CD6: variants seen among roughly 807,000 people sequenced by gnomAD.
CD6 encodes CD6 molecule, also known as T-cell differentiation antigen CD6.
In CD6, 53 loss-of-function variants were observed where a neutral mutation model predicts 75.3. That is an observed-to-expected ratio of 0.70 (90% confidence interval 0.56 to 0.88). The LOEUF (loss-of-function observed/expected upper bound fraction) is 0.88. CD6 is among the 40% of genes least tolerant of loss of function. CD6 has a pLI of 0.00. For synonymous variants in CD6, 359 were observed against 381.5 expected (o/e 0.94, Z 0.69); for missense variants, 770 against 897.1 (o/e 0.86, Z 1.81).
At chr11:61,018,214 G>T in intron 11 of CD6, 75 bp from the exon 12 acceptor site, 1 of 1,372,754 alleles carries the variant, frequency 7.3e-7, no homozygotes, top group Non-Finnish European at 9.9e-7. Flanking sequence ...CGTGAGTCAC[G>T]TGGGCCCCCC....
At chr11:61,003,607 G>A (rs1249775587) in intron 1 of CD6, among the ~76,000 whole-genome samples, 6 of 152,100 alleles carry the variant, frequency 3.9e-5, no homozygotes, top group Non-Finnish European at 5.9e-5. Context: ...CGTGGCAAGC[G>A]CCTGTAGTCC....
chr11:60,987,100 T>G (rs1227969710), intron 1 of CD6, among the ~76,000 whole-genome samples: 1 of 151,996 alleles, frequency 6.6e-6, no homozygotes, highest in Non-Finnish European at 1.5e-5. Flanking sequence ...AGTGCGAGAC[T>G]CCATCTCAAA....
chr11:60,998,307 C>T (rs545938283), intron 1 of CD6, among the ~76,000 whole-genome samples: 19 of 152,214 alleles, frequency 1.2e-4, no homozygotes, highest in Admixed American at 2.0e-4. Context: ...CACAGATAAC[C>T]GCTATCATCT....
rs138533957 is a variant in CD6, at chr11:61,017,369, C to T, written c.1511-110C>T. On this transcript the variant is annotated intron_variant, in intron 9 of 12. Transcript: ENST00000313421. ...AGCCCTCTCTGCCTCCGGAGTTGTC[C>T]TCCCACCCTATTCAGCCTACCCAGG... 1.7e-4 allele frequency: 137 copies of T among 787,654 alleles called. No individual in the cohort carries two copies. The African/African-American group carries it at 2.2e-3, about 12-fold the overall frequency. 48.8% of individuals were successfully genotyped at this position (787,654 alleles called of 1,614,324 possible).
chr11:60,998,978 G>A (rs995275348), intron 1 of CD6, among the ~76,000 whole-genome samples: 3 of 152,008 alleles, frequency 2.0e-5, no homozygotes, highest in South Asian at 2.1e-4. Flanking sequence ...GGCCAACATC[G>A]TGAAACCCAG....
chr11:60,980,709 G>A (rs909991490), intron 1 of CD6, among the ~76,000 whole-genome samples: 2 of 151,798 alleles, frequency 1.3e-5, no homozygotes, highest in African/African-American at 2.4e-5. Flanking sequence ...GGGGGATGGG[G>A]GGCACCTGTA....
rs1272174271 is a variant in CD6 at position 61,013,434 on chromosome 11, A to G, written c.1162A>G (p.Thr388Ala). 1 of 1,613,982 alleles carries G rather than the reference A, an allele frequency of 6.2e-7. No homozygotes were observed. The highest frequency in any genetic ancestry group is 1.3e-5 in the African/African-American group (1 of 74,938). The change falls in exon 7 of 13, where the codon ACA becomes GCA. Residue 388 changes from threonine to alanine, a missense_variant. Coordinates refer to ENST00000313421, the MANE Select transcript of CD6 (RefSeq NM_006725.5). The stretch of plus-strand genomic sequence containing the variant: ...ATTCTTGTTTCCAGAATCTTCTGTG[A>G]CAGTGAAAATAGAGAACAAGGAATC... ...VQTVTIESSVTVKIENKESRE... is the reference protein window; with the variant it reads ...VQTVTIESSVAVKIENKESRE...
chr11:60,999,950 G>C (rs1467247386), intron 1 of CD6, among the ~76,000 whole-genome samples: 1 of 152,084 alleles, frequency 6.6e-6, no homozygotes, highest in Admixed American at 6.5e-5. Flanking sequence ...CTACTCAGTA[G>C]CTGCGGCAGG....
chr11:60,972,421 A>G (rs1477606010), intron 1 of CD6, among the ~76,000 whole-genome samples: 1 of 152,200 alleles, frequency 6.6e-6, no homozygotes, highest in East Asian at 1.9e-4. Context: ...TGATGGCCTC[A>G]GCACAACCAG....
chr11:60,975,581 G>A (rs1051011389), intron 1 of CD6, among the ~76,000 whole-genome samples: 2 of 152,122 alleles, frequency 1.3e-5, no homozygotes, highest in Non-Finnish European at 2.9e-5. Flanking sequence ...CAGGAAGATC[G>A]CTTGAACCTA....
chr11:61,007,979 C>A lies in CD6; in HGVS notation c.469+69C>A. 1 of 1,060,600 alleles carries A rather than the reference C, an allele frequency of 9.4e-7. No individual in the cohort carries two copies. The highest frequency in any genetic ancestry group is 1.2e-6 in the Non-Finnish European group (1 of 812,714). 65.7% of individuals were successfully genotyped at this position (1,060,600 alleles called of 1,614,324 possible). A position where few individuals can be genotyped will look rare whatever the true frequency, so the allele number is the denominator to read the frequency against. On this transcript the variant is annotated intron_variant, in intron 3 of 12. Transcript: ENST00000313421. The surrounding 1 kb of genome is among the most constrained non-coding windows in gnomAD (Gnocchi z 4.2). ...CCAGGCCTTCAGCCACTGCCCCTGG[C>A]TCCAGACCCTGGACGCAAGCCTCGC...
At chr11:61,018,895 TAGTC>T in intron 12 of CD6, 1 of 304,306 alleles carries the variant, frequency 3.3e-6, no homozygotes, top group Non-Finnish European at 6.1e-6. Context: ...GATGGAGAAA[TAGTC>T]AAACAGGTTG....
chr11:61,018,171 C>G (rs1425442737), intron 11 of CD6, 118 bp from the exon 12 acceptor site: 2 of 1,294,986 alleles, frequency 1.5e-6, no homozygotes. Context: ...TGGGCCTTCA[C>G]TTTGTCATTT....
chr11:60,986,475 T>C (rs1381609801), intron 1 of CD6, among the ~76,000 whole-genome samples: 1 of 152,226 alleles, frequency 6.6e-6, no homozygotes, highest in Non-Finnish European at 1.5e-5. Flanking sequence ...GCCATGTCAC[T>C]CTTCAGCTTT....
intron 1 of CD6, among the ~76,000 whole-genome samples, chr11:60,976,310 G>C (rs1857362035): frequency 6.6e-6 from 1 of 152,128 alleles, no homozygotes. Context: ...CGAATATCAA[G>C]TTCTCTTAAA....
chr11:60,985,318 G>T, intron 1 of CD6, among the ~76,000 whole-genome samples: 1 of 151,434 alleles, frequency 6.6e-6, no homozygotes, highest in African/African-American at 2.4e-5. Flanking sequence ...CAAGTAGCTG[G>T]GATTACAGGC....
intron 1 of CD6, among the ~76,000 whole-genome samples, chr11:60,975,777 C>T (rs564847763): frequency 6.6e-6 from 1 of 152,250 alleles, no homozygotes; most frequent in East Asian, 1.9e-4. Flanking sequence ...TCACTCCAGT[C>T]TGGGCGATGA....
chr11:61,013,939 C>T lies in CD6; in HGVS notation c.1312C>T (p.His438Tyr). The change falls in exon 8 of 13, where the codon CAC (histidine) becomes TAC (tyrosine). Residue 438 changes from histidine (H) to tyrosine (Y), a missense_variant. His to Tyr is a moderately conservative substitution (Grantham distance 83). Coordinates refer to ENST00000313421, the MANE Select transcript of CD6 (RefSeq NM_006725.5). Reference protein sequence around the residue: ...GKYALPVMVNHQHLPTTIPAG... With the variant: ...GKYALPVMVNYQHLPTTIPAG... ...CTCAGCCCTCCCCGTAATGGTGAAC[C>T]ACCAGCACCTACCCACCACCATCCC... is the stretch of plus-strand genomic sequence containing the variant. 6.2e-7 allele frequency: 1 copy of T among 1,613,184 alleles called. No homozygotes were observed. Among genetic ancestry groups the T allele is most frequent in the Middle Eastern group, 1.7e-4 (1 of 6,060 alleles).
chr11:60,983,799 T>G (rs1219901259), intron 1 of CD6, among the ~76,000 whole-genome samples: 2 of 152,248 alleles, frequency 1.3e-5, no homozygotes, highest in African/African-American at 4.8e-5. Context: ...TTGTTCAGTA[T>G]GCTGCGTTTA....
Sources: allele counts gnomAD v4.1 joint callset (sites outside exome capture counted in the v4.1 genomes callset), GRCh38; gene constraint gnomAD v4.1.1; non-coding constraint Gnocchi (gnomAD v3.1); transcripts MANE v1.5; gene names NCBI Gene and HGNC (gene_info 2026-07-23, HGNC 2026-07-21).